ABCA13: variants seen among roughly 807,000 people sequenced by gnomAD.
ABCA13 encodes ATP binding cassette subfamily A member 13.
Under a neutral mutation model 478.7 loss-of-function variants are expected in ABCA13, and 476 were observed. The ratio of observed to expected loss-of-function variants is 0.99; its 90% CI spans 0.92 to 1.07. ABCA13 has a LOEUF of 1.07. Ranked by LOEUF, ABCA13 falls within the 50% of genes least tolerant of loss-of-function variation. The pLI is 0.00. For synonymous variants in ABCA13, 2,252 were observed against 2,158.9 expected (o/e 1.04, Z -1.20); for missense variants, 6,060 against 5,910.6 (o/e 1.03, Z -0.83).
At chr7:48,530,490 C>T (rs1465481875) in intron 55 of ABCA13, among the ~76,000 whole-genome samples, 4 of 151,676 alleles carry the variant, frequency 2.6e-5, no homozygotes, top group African/African-American at 9.7e-5. Context: ...ACTTTTTTTC[C>T]TTTGGGTAGA....
intron 38 of ABCA13, 37 bp downstream of exon 38, chr7:48,392,176 T>C (rs1816174717): frequency 5.7e-6 from 9 of 1,579,956 alleles, no homozygotes; most frequent in South Asian, 1.1e-5. Context: ...CTCCTGCCTC[T>C]GCCCATTGTG....
intron 40 of ABCA13, 35 bp downstream of exon 40, chr7:48,410,712 C>T: frequency 3.2e-6 from 5 of 1,585,508 alleles, no homozygotes; most frequent in Non-Finnish European, 4.3e-6. Context: ...CACTGAAGTC[C>T]CATTTCTGTC....
intron 58 of ABCA13, among the ~76,000 whole-genome samples, chr7:48,614,029 A>G (rs1055356409): frequency 2.7e-5 from 4 of 148,826 alleles, no homozygotes; most frequent in African/African-American, 9.7e-5. Flanking sequence ...TAATTAATTT[A>G]CTTATGTTTT....
At chr7:48,373,987 G>T (rs1813060772) in intron 33 of ABCA13, among the ~76,000 whole-genome samples, 1 of 152,072 alleles carries the variant, frequency 6.6e-6, no homozygotes, top group African/African-American at 2.4e-5. Flanking sequence ...CCTGCAGTGT[G>T]CTCCAGGGCA....
chr7:48,640,390 T>G (rs1356283644), intron 59 of ABCA13, among the ~76,000 whole-genome samples: 1 of 152,186 alleles, frequency 6.6e-6, no homozygotes, highest in Non-Finnish European at 1.5e-5. Context: ...TGTGTGTATG[T>G]TTTTTCTTCC....
intron 48 of ABCA13, among the ~76,000 whole-genome samples, chr7:48,503,698 C>G (rs542676257): frequency 6.6e-6 from 1 of 152,326 alleles, no homozygotes; most frequent in African/African-American, 2.4e-5. Context: ...CATTTATCAA[C>G]AGACACAGGT....
chr7:48,273,263 A>G lies in ABCA13; in HGVS notation c.3597A>G (p.Ile1199Met), dbSNP rs762737659. 3.7e-6 allele frequency: 6 copies of G among 1,613,694 alleles called. No homozygotes were observed. The Admixed American group carries it at 8.3e-5, about 22-fold the overall frequency. Residue 1199 changes from isoleucine (I) to methionine (M), a missense_variant, in exon 17 of 62, where the codon ATA (isoleucine) becomes ATG (methionine). Ile to Met is a conservative substitution (Grantham distance 10, BLOSUM62 1). This residue lies in a region of ABCA13 where 4,423 missense variants were observed against 4,309.1 expected (regional missense o/e 1.03). Coordinates refer to ENST00000435803, the MANE Select transcript of ABCA13 (RefSeq NM_152701.5). ...AAGTCTCTAAAAGCTGCCAGGGTAT[A>G]CTTCCCACCCATAATGTTGCTAGAC... ...DVKVSKSCQG[I>M]LPTHNVARLI...
chr7:48,483,021 T>G, intron 46 of ABCA13, 55 bp from the exon 47 acceptor site: 1 of 1,457,344 alleles, frequency 6.9e-7, no homozygotes, highest in Non-Finnish European at 9.4e-7. Context: ...ACCCTCTGAT[T>G]AGAAGTCCTG....
intron 19 of ABCA13, among the ~76,000 whole-genome samples, chr7:48,281,842 C>T (rs10499675): frequency 1.7e-4 from 26 of 152,260 alleles, no homozygotes; most frequent in Middle Eastern, 3.4e-3. Flanking sequence ...CGTGCAGTAT[C>T]GTACTTTCTT....
intron 39 of ABCA13, among the ~76,000 whole-genome samples, chr7:48,405,381 G>T (rs1240444563): frequency 2.0e-5 from 3 of 152,214 alleles, no homozygotes; most frequent in Non-Finnish European, 1.5e-5. Flanking sequence ...TGCACCCAAA[G>T]ATTCGAACCC....
At position 48,278,431 on chromosome 7, in the gene ABCA13, C is replaced by T. The variant is rs771951983; in HGVS notation, c.7237C>T (p.Leu2413Phe). 4.3e-6 allele frequency: 7 copies of T among 1,613,962 alleles called. No individual in the cohort carries two copies. Among genetic ancestry groups the T allele is most frequent in the Non-Finnish European group, 5.1e-6 (6 of 1,179,874 alleles). Residue 2413 changes from leucine (L) to phenylalanine (F), a missense_variant, in exon 18 of 62, where the codon CTT becomes TTT. This residue lies in a region of ABCA13 where 4,423 missense variants were observed against 4,309.1 expected (regional missense o/e 1.03). Coordinates refer to ENST00000435803, the MANE Select transcript of ABCA13 (RefSeq NM_152701.5). The part of the protein sequence containing the change: ...FKLNQDLGSA[L>F]HLVRECSTEM... ...ACTCAATCAAGATCTTGGGTCAGCT[C>T]TTCACCTTGTAAGAGAATGTTCAAC... is the stretch of plus-strand genomic sequence containing the variant.
At position 48,219,482 on chromosome 7, in the gene ABCA13, G is replaced by A; in HGVS notation, c.416G>A (p.Trp139Ter). Residue 139 changes from tryptophan to a stop codon, truncating the protein, a stop_gained, in exon 4 of 62, where the codon TGG (tryptophan) becomes TAG (stop). Coordinates refer to ENST00000435803, the MANE Select transcript of ABCA13 (RefSeq NM_152701.5). LOFTEE classifies it high-confidence loss of function. ...AAGGCAAAAAACTTAAAAAGACTTT[G>A]GGTAGAACGATCCAACACTCCAGGC... ...MDKAKNLKRLWVERSNTPDSS... is the reference protein window; with the variant it reads ...MDKAKNLKRL 1 of 1,612,464 alleles carries A rather than the reference G, an allele frequency of 6.2e-7. No individual in the cohort carries two copies. The highest frequency in any genetic ancestry group is 1.3e-5 in the African/African-American group (1 of 74,886).
In ABCA13 at chr7:48,544,621, C is replaced by T. The variant is rs930577905; in HGVS notation, c.14354+16276C>T. ...CCCAGAGAGGGATGGAAGCTCCATA[C>T]CCCTTCCCACATGCTTTCCCTTATA... On this transcript the variant is annotated intron_variant, in intron 55 of 61. Coordinates refer to ENST00000435803, the MANE Select transcript of ABCA13 (RefSeq NM_152701.5). Among the ~76,000 whole-genome samples the T allele has an allele frequency of 5.3e-5, 8 of 151,884 alleles. 1 individual carries two copies.
intron 45 of ABCA13, 133 bp downstream of exon 45, chr7:48,471,732 T>G (rs1446831233): frequency 2.4e-6 from 2 of 830,062 alleles, no homozygotes; most frequent in Non-Finnish European, 3.8e-6. Flanking sequence ...ATTAGCTGTT[T>G]CTGGGAAAAG....
intron 59 of ABCA13, among the ~76,000 whole-genome samples, chr7:48,620,136 G>C (rs939788645): frequency 2.0e-5 from 3 of 152,160 alleles, no homozygotes; most frequent in Non-Finnish European, 2.9e-5. Context: ...TGAGGAGGAG[G>C]AGGAGGAGGC....
intron 1 of ABCA13, among the ~76,000 whole-genome samples, chr7:48,184,849 T>A (rs899229750): frequency 6.6e-6 from 1 of 152,170 alleles, no homozygotes; most frequent in Non-Finnish European, 1.5e-5. Flanking sequence ...CTTTCACTTT[T>A]TATTGAGACA....
chr7:48,627,190 G>A (rs553225746), intron 59 of ABCA13: 29 of 450,386 alleles, frequency 6.4e-5, no homozygotes, highest in African/African-American at 5.5e-4. Flanking sequence ...AAGAATTTAA[G>A]CAGTTGGCCC....
At chr7:48,214,620 A>G (rs1273850957) in intron 3 of ABCA13, among the ~76,000 whole-genome samples, 1 of 152,172 alleles carries the variant, frequency 6.6e-6, no homozygotes, top group Non-Finnish European at 1.5e-5. Flanking sequence ...CAATGCTTAC[A>G]TCTTCACCTT....
intron 59 of ABCA13, among the ~76,000 whole-genome samples, chr7:48,616,200 T>C (rs1284908656): frequency 6.6e-6 from 1 of 152,172 alleles, no homozygotes; most frequent in Non-Finnish European, 1.5e-5. Context: ...TTTAAATACT[T>C]TTAATTTATG....
Sources: gnomAD v4.1 joint callset for allele counts (sites outside exome capture counted in the v4.1 genomes callset) on GRCh38, gnomAD v4.1.1 for gene constraint, gnomAD v4.1.1 regional missense constraint, MANE v1.5 for transcripts, NCBI Gene and HGNC (gene_info 2026-07-23, HGNC 2026-07-21) for gene names.